The following TRPM3 variants were observed in gnomAD, a reference collection of about 807,000 sequenced individuals.
The protein encoded by TRPM3 is transient receptor potential cation channel subfamily M member 3.
Under a neutral mutation model 181.2 loss-of-function variants are expected in TRPM3, and 77 were observed. That is an observed-to-expected ratio of 0.42 (90% CI 0.35 to 0.51). The LOEUF (loss-of-function observed/expected upper bound fraction) is 0.51, where lower values mean the gene tolerates loss of function less well. Among genes scored for constraint, TRPM3 ranks in the 20% least tolerant of loss-of-function variants. TRPM3 has a pLI of 0.01. For missense variants in TRPM3, 1,759 were observed against 2,196.7 expected, an observed-to-expected ratio of 0.80 and a Z score of 3.98; for synonymous variants, 745 against 796.4, an observed-to-expected ratio of 0.94 and a Z score of 1.09.
chr9:71,140,067 G>A (rs1174103745), intron 1 of TRPM3, among the ~76,000 whole-genome samples: 1 of 152,170 alleles, frequency 6.6e-6, no homozygotes, highest in Non-Finnish European at 1.5e-5. Context: ...TTGAAACCAT[G>A]AGGGAGAGGC....
intron 1 of TRPM3, among the ~76,000 whole-genome samples, chr9:71,093,034 G>T (rs1052565990): frequency 2.0e-4 from 31 of 152,290 alleles, no homozygotes; most frequent in African/African-American, 7.2e-4. Context: ...CTAGTCATAT[G>T]CAGAAAACAG....
chr9:71,050,689 C>T lies in TRPM3; in HGVS notation c.177+70489G>A, dbSNP rs1025281743. ...TATATCAATAACATACCTGTACATTCGAAACTCTGGTGCACACCCATTTTT... is the reference window on the plus strand; with the variant it reads ...TATATCAATAACATACCTGTACATTTGAAACTCTGGTGCACACCCATTTTT... On this transcript the variant is annotated intron_variant, in intron 1 of 25. Transcript: ENST00000677713. 1.6e-4 allele frequency among the ~76,000 whole-genome samples: 24 copies of T among 152,286 alleles called. No individual in the cohort carries two copies. The South Asian group carries it at 2.1e-3, about 13-fold the overall frequency.
chr9:70,885,658 C>T (rs1468693896), intron 1 of TRPM3, among the ~76,000 whole-genome samples: 1 of 152,160 alleles, frequency 6.6e-6, no homozygotes, highest in Non-Finnish European at 1.5e-5. Context: ...TTCTTGCTTG[C>T]TTTACCAGGA....
chr9:71,324,829 T>C (rs141620537), intron 1 of TRPM3, among the ~76,000 whole-genome samples: 1 of 152,100 alleles, frequency 6.6e-6, no homozygotes, highest in Non-Finnish European at 1.5e-5. Flanking sequence ...ATGGATGGAA[T>C]AGGAGGTCAT....
At chr9:71,307,004 CA>C (rs1400185435) in intron 1 of TRPM3, among the ~76,000 whole-genome samples, 38 of 152,304 alleles carry the variant, frequency 2.5e-4, no homozygotes, top group Non-Finnish European at 5.0e-4. Context: ...ATAGATTACT[CA>C]CTAGTTTGCT....
intron 1 of TRPM3, among the ~76,000 whole-genome samples, chr9:71,268,398 TAAA>T (rs1554858666): frequency 2.0e-5 from 3 of 151,146 alleles, no homozygotes; most frequent in South Asian, 2.1e-4. Context: ...ATAATAATAA[TAAA>T]AAACTTGTAT....
chr9:70,978,486 C>T (rs1036690982), intron 1 of TRPM3, among the ~76,000 whole-genome samples: 3 of 152,150 alleles, frequency 2.0e-5, no homozygotes, highest in African/African-American at 7.2e-5. Context: ...AAAACTTACG[C>T]TCTTTCTCTT....
chr9:71,005,501 G>T (rs1028735964), intron 1 of TRPM3, among the ~76,000 whole-genome samples: 5 of 151,510 alleles, frequency 3.3e-5, no homozygotes, highest in Admixed American at 1.3e-4. Context: ...AGCAAAAATC[G>T]AAGCAAAGAA....
At position 71,346,572 on chromosome 9, in the gene TRPM3, GA is replaced by G. The variant is rs2091306330; in HGVS notation, c.183+100080del. ...AAACTAGAAAAACAAAAGATAAAAA[GA>G]ATTTTAACTGGAAAGAGGTGCCTTT... is the stretch of plus-strand genomic sequence containing the variant. On this transcript the variant is annotated intron_variant, in intron 1 of 24. Coordinates refer to the TRPM3 transcript ENST00000357533. Among the ~76,000 whole-genome samples the G allele has an allele frequency of 2.6e-5, 4 of 152,182 alleles. 1 individual carries two copies. The South Asian group carries it at 8.3e-4, about 31-fold the overall frequency.
chr9:70,928,568 C>T (rs112098535), intron 1 of TRPM3, among the ~76,000 whole-genome samples: 2,965 of 152,256 alleles, frequency 0.019, 50 homozygotes, highest in East Asian at 0.045. Flanking sequence ...ACCTGGAACT[C>T]TTGTGACATT....
intron 1 of TRPM3, among the ~76,000 whole-genome samples, chr9:70,909,086 GA>G (rs955749156): frequency 3.3e-5 from 5 of 152,200 alleles, no homozygotes; most frequent in African/African-American, 1.2e-4. Context: ...AACTGCAGGT[GA>G]AAAAAGATTA....
chr9:71,428,183 C>T (rs982319385), intron 1 of TRPM3, among the ~76,000 whole-genome samples: 4 of 151,806 alleles, frequency 2.6e-5, no homozygotes, highest in Non-Finnish European at 4.4e-5. Context: ...CCTCCACCTC[C>T]TGGGTTCAAA....
At position 71,016,385 on chromosome 9, in the gene TRPM3, C is replaced by T. The variant is rs1464149164; in HGVS notation, c.177+104793G>A. Among the ~76,000 whole-genome samples the T allele has an allele frequency of 2.0e-5, 3 of 152,044 alleles. No homozygotes were observed. The East Asian group carries it at 5.8e-4, about 29-fold the overall frequency. On this transcript the variant is annotated intron_variant, in intron 1 of 25. Coordinates refer to ENST00000677713, the MANE Select transcript of TRPM3 (RefSeq NM_001366145.2). ...AATCCATCTCCAGAACTTTTTTCAT[C>T]TCCCTAAGTAAAATCATGTATCCAA... is the stretch of plus-strand genomic sequence containing the variant.
At chr9:70,809,879 A>G in intron 6 of TRPM3, 1 of 493,322 alleles carries the variant, frequency 2.0e-6, no homozygotes, top group East Asian at 5.6e-5. Context: ...AGTGTTTTTC[A>G]TCTCTCTTAT....
chr9:70,917,798 A>G (rs1454694193), intron 1 of TRPM3, among the ~76,000 whole-genome samples: 15 of 152,088 alleles, frequency 9.9e-5, no homozygotes, highest in Non-Finnish European at 1.9e-4. Context: ...TTACTCATCA[A>G]TAACAACAAT....
At chr9:71,225,396 A>G (rs900463969) in intron 1 of TRPM3, among the ~76,000 whole-genome samples, 2 of 152,182 alleles carry the variant, frequency 1.3e-5, no homozygotes, top group East Asian at 3.9e-4. Context: ...TCCTTCAAAC[A>G]TGAAGGAAAA....
At chr9:71,119,905 T>C (rs758271450) in intron 1 of TRPM3, among the ~76,000 whole-genome samples, 1 of 152,166 alleles carries the variant, frequency 6.6e-6, no homozygotes, top group Non-Finnish European at 1.5e-5. Context: ...TCCTCCTAAA[T>C]AGTCCCTAGG....
intron 1 of TRPM3, among the ~76,000 whole-genome samples, chr9:71,302,730 ACT>A: frequency 6.6e-6 from 1 of 151,870 alleles, no homozygotes; most frequent in Admixed American, 6.6e-5. Context: ...AAGCTGAAAG[ACT>A]CAGCATAGAG....
intron 1 of TRPM3, among the ~76,000 whole-genome samples, chr9:71,003,979 T>C (rs1245731628): frequency 6.6e-6 from 1 of 152,078 alleles, no homozygotes; most frequent in Non-Finnish European, 1.5e-5. Context: ...GTTTCTGAAG[T>C]GGAAGGAGAA....
Sources: allele counts gnomAD v4.1 joint callset (sites outside exome capture counted in the v4.1 genomes callset), GRCh38; gene constraint gnomAD v4.1.1; transcripts MANE v1.5; gene names NCBI Gene and HGNC (gene_info 2026-07-23, HGNC 2026-07-21).